Variants in AGBL4 observed in about 807,000 individuals in gnomAD.
The protein encoded by AGBL4 is cytosolic carboxypeptidase 6.
AGBL4 carries 58 observed loss-of-function variants against 66.4 expected under a neutral mutation model. The ratio of observed to expected loss-of-function variants is 0.87; its 90% confidence interval spans 0.71 to 1.09. The LOEUF is 1.09. Ranked by LOEUF, AGBL4 falls within the 50% of genes least tolerant of loss-of-function variation. The probability of loss-of-function intolerance (pLI) is 0.00; values close to 1 mark genes in which losing one functional copy is unlikely to be tolerated. For synonymous variants in AGBL4, 234 were observed against 222.9 expected (o/e 1.05, Z -0.44); for missense variants, 579 against 631.0 (o/e 0.92, Z 0.88).
intron 3 of AGBL4, among the ~76,000 whole-genome samples, chr1:49,408,635 C>A (rs1163353217): frequency 1.3e-5 from 2 of 152,200 alleles, no homozygotes; most frequent in Non-Finnish European, 2.9e-5. Context: ...TTAGGGCCTT[C>A]ATCTTTCTTC....
chr1:48,580,385 C>A (rs74079408), intron 11 of AGBL4, among the ~76,000 whole-genome samples: 2,103 of 152,304 alleles, frequency 0.014, 51 homozygotes, highest in African/African-American at 0.049. Flanking sequence ...TAAACAGCTA[C>A]TGTTACCCAG....
intron 3 of AGBL4, among the ~76,000 whole-genome samples, chr1:49,680,598 T>A (rs1399544464): frequency 3.9e-5 from 6 of 152,086 alleles, no homozygotes; most frequent in African/African-American, 7.2e-5. Context: ...ATCTTTCAAA[T>A]TTTTTTCTCT....
At chr1:49,421,454 G>A (rs1010162628) in intron 3 of AGBL4, among the ~76,000 whole-genome samples, 1 of 152,118 alleles carries the variant, frequency 6.6e-6, no homozygotes. Context: ...GAGATGGAAG[G>A]GGTAGGCTCA....
At chr1:48,606,930 C>G (rs772174378) in intron 9 of AGBL4, among the ~76,000 whole-genome samples, 1 of 152,150 alleles carries the variant, frequency 6.6e-6, no homozygotes, top group South Asian at 2.1e-4. Flanking sequence ...GATTAGAGAT[C>G]TGGGCTCAAA....
chr1:48,864,797 G>T (rs1016432339), intron 6 of AGBL4, among the ~76,000 whole-genome samples: 2 of 152,090 alleles, frequency 1.3e-5, no homozygotes, highest in Admixed American at 1.3e-4. Context: ...GTATTAGGAA[G>T]GAGTATAGAA....
intron 3 of AGBL4, among the ~76,000 whole-genome samples, chr1:49,632,564 T>C (rs1046591497): frequency 6.6e-6 from 1 of 152,106 alleles, no homozygotes; most frequent in African/African-American, 2.4e-5. Context: ...GGGAAACCCT[T>C]AGCTGCCCAC....
chr1:49,244,318 T>A (rs1320716186), intron 4 of AGBL4, among the ~76,000 whole-genome samples: 4 of 151,748 alleles, frequency 2.6e-5, no homozygotes, highest in African/African-American at 9.7e-5. Flanking sequence ...GAGAAATGAT[T>A]TCTATTATTA....
intron 1 of AGBL4, among the ~76,000 whole-genome samples, chr1:49,881,745 C>T (rs1421271335): frequency 6.6e-6 from 1 of 150,666 alleles, no homozygotes; most frequent in Non-Finnish European, 1.5e-5. Context: ...TTTGTTTTTT[C>T]CTTGTAAATT....
chr1:49,053,330 C>T (rs1162723045), intron 4 of AGBL4, among the ~76,000 whole-genome samples: 2 of 152,182 alleles, frequency 1.3e-5, no homozygotes, highest in African/African-American at 4.8e-5. Context: ...CAATATCCAC[C>T]TTTCAAGGAA....
At chr1:48,735,418 AAGAC>A (rs1480959837) in intron 6 of AGBL4, among the ~76,000 whole-genome samples, 4 of 152,052 alleles carry the variant, frequency 2.6e-5, no homozygotes, top group Admixed American at 6.6e-5. Context: ...GGAAAGAAAA[AAGAC>A]AGAGGAGAAA....
intron 4 of AGBL4, among the ~76,000 whole-genome samples, chr1:49,185,507 G>T (rs1290573518): frequency 6.6e-6 from 1 of 152,138 alleles, no homozygotes; most frequent in Non-Finnish European, 1.5e-5. Context: ...AGGCTGTGAT[G>T]TTACTTTAGA....
At chr1:48,681,063 T>C (rs922979535) in intron 6 of AGBL4, among the ~76,000 whole-genome samples, 3 of 152,182 alleles carry the variant, frequency 2.0e-5, no homozygotes, top group Non-Finnish European at 4.4e-5. Flanking sequence ...CTTTTAAAAC[T>C]AGTGCCCTGG....
At chr1:49,292,156 C>T (rs1644546500) in intron 3 of AGBL4, among the ~76,000 whole-genome samples, 1 of 152,230 alleles carries the variant, frequency 6.6e-6, no homozygotes, top group Admixed American at 6.5e-5. Flanking sequence ...GGTGTGCACA[C>T]ACTTGAGGCA....
At chr1:48,801,911 T>C (rs200795416) in intron 6 of AGBL4, among the ~76,000 whole-genome samples, 1 of 3,402 alleles carries the variant, frequency 2.9e-4, no homozygotes. Context: ...CCATAATAAC[T>C]TTTTTTTTTT....
intron 3 of AGBL4, among the ~76,000 whole-genome samples, chr1:49,338,023 C>A (rs977715648): frequency 3.9e-5 from 6 of 152,182 alleles, no homozygotes; most frequent in African/African-American, 1.4e-4. Context: ...CAATCTGAAT[C>A]AGTTAAATTG....
intron 2 of AGBL4, among the ~76,000 whole-genome samples, chr1:49,810,881 A>G (rs972252797): frequency 6.6e-6 from 1 of 152,210 alleles, no homozygotes; most frequent in Admixed American, 6.5e-5. Context: ...CACCTGAGGT[A>G]GCAAGCTAAA....
intron 11 of AGBL4, among the ~76,000 whole-genome samples, chr1:48,543,382 C>T (rs1409081964): frequency 1.3e-4 from 1 of 7,648 alleles, no homozygotes; most frequent in Non-Finnish European, 2.3e-4. Flanking sequence ...AAATGATTTA[C>T]CATCCATCCA....
chr1:49,559,885 T>C (rs959437341), intron 3 of AGBL4, among the ~76,000 whole-genome samples: 3 of 152,144 alleles, frequency 2.0e-5, no homozygotes, highest in African/African-American at 7.2e-5. Context: ...GAGTCAATTA[T>C]CACTAATAAA....
intron 3 of AGBL4, among the ~76,000 whole-genome samples, chr1:49,285,018 C>A (rs546291265): frequency 1.3e-5 from 2 of 151,266 alleles, no homozygotes; most frequent in South Asian, 4.2e-4. Flanking sequence ...CTGCACCAAG[C>A]GGACCTAATA....
Sources: gnomAD v4.1 joint callset for allele counts (sites outside exome capture counted in the v4.1 genomes callset) on GRCh38, gnomAD v4.1.1 for gene constraint, MANE v1.5 for transcripts, NCBI Gene and HGNC (gene_info 2026-07-23, HGNC 2026-07-21) for gene names.